Variants in INHBB observed in about 807,000 individuals in gnomAD.
The protein encoded by INHBB is inhibin subunit beta B.
Under a neutral mutation model 28.9 loss-of-function variants are expected in INHBB, and 8 were observed. That is an observed-to-expected ratio of 0.28 (90% CI 0.16 to 0.50). The LOEUF is 0.50. Ranked by LOEUF, INHBB falls within the 20% of genes least tolerant of loss-of-function variation. INHBB has a pLI of 0.98. For missense variants in INHBB, 499 were observed against 597.8 expected (o/e 0.83, Z 1.72); for synonymous variants, 293 against 262.7 (o/e 1.12, Z -1.12).
intron 1 of INHBB, among the ~76,000 whole-genome samples, chr2:120,346,842 G>A (rs1406808384): frequency 6.6e-6 from 1 of 152,190 alleles, no homozygotes; most frequent in Non-Finnish European, 1.5e-5. Flanking sequence ...CTTGCCTGCT[G>A]CCTCAACCCC....
chr2:120,346,332 G>T lies in INHBB; in HGVS notation c.144G>T (p.Pro48=). The T allele has an allele frequency of 7.4e-7, 1 of 1,355,494 alleles. No individual in the cohort carries two copies. Among genetic ancestry groups the T allele is most frequent in the East Asian group, 3.3e-5 (1 of 30,164 alleles). 84.0% of individuals were successfully genotyped at this position (1,355,494 alleles called of 1,614,324 possible). A position where few individuals can be genotyped will look rare whatever the true frequency, so the allele number is the denominator to read the frequency against. The change falls in exon 1 of 2, where the codon CCG becomes CCT. Residue 48 remains proline (P), a synonymous_variant. Coordinates refer to ENST00000295228, the MANE Select transcript of INHBB (RefSeq NM_002193.4). ...CGCCACCCCCGCCACCCGGATCCCC[G>T]GGTGGCTCGCAGGACACCTGTACGT... The part of the protein sequence containing the change: ...APPPPPPPGS[P]GGSQDTCTSC...
intron 1 of INHBB, among the ~76,000 whole-genome samples, chr2:120,347,395 GC>G (rs11354431): frequency 0.19 from 24,478 of 130,190 alleles, 2,699 homozygotes; most frequent in African/African-American, 0.34. Flanking sequence ...TCTGGAATCC[GC>G]CCCCCCCCCC....
Position 120,349,715 on chromosome 2 carries a change from G to A in INHBB, c.1065G>A (p.Val355=), listed in dbSNP as rs1455497372. The A allele has an allele frequency of 1.9e-6, 3 of 1,613,814 alleles. No homozygotes were observed. Among genetic ancestry groups the A allele is most frequent in the Admixed American group, 1.7e-5 (1 of 60,030 alleles). Residue 355 remains valine, a synonymous_variant, in exon 2 of 2, where the codon GTG becomes GTA. Transcript: ENST00000295228. This position sits in a 1 kb window ranked among gnomAD's most constrained non-coding sequence, Gnocchi z 5.6. The stretch of plus-strand genomic sequence containing the variant: ...CCTCCTCCTTCCACACGGCTGTGGT[G>A]AACCAGTACCGCATGCGGGGTCTGA... ...GSASSFHTAV[V]NQYRMRGLNP...
Position 120,350,165 on chromosome 2 carries a change from A to C in INHBB, c.*291A>C. The C allele has an allele frequency of 1.0e-5, 4 of 398,648 alleles. No homozygotes were observed. The highest frequency in any genetic ancestry group is 4.5e-5 in the East Asian group (1 of 22,290). The allele number at this position is 398,648 out of a possible 1,614,324, so 24.7% of individuals were successfully genotyped here. ...ACAGCAGCCTCCAGGATACCAGCAA[A>C]TGGATGCGGTGACAAATGGCAGCTT... On this transcript the variant is annotated 3_prime_UTR_variant, in exon 2 of 2. Transcript: ENST00000295228.
At chr2:120,347,960 G>A (rs892005555) in intron 1 of INHBB, among the ~76,000 whole-genome samples, 19 of 152,180 alleles carry the variant, frequency 1.2e-4, no homozygotes, top group African/African-American at 4.3e-4. Context: ...TTTTGGTCCC[G>A]GTGGCACAAA....
At chr2:120,347,298 G>C (rs1337931457) in intron 1 of INHBB, among the ~76,000 whole-genome samples, 1 of 152,086 alleles carries the variant, frequency 6.6e-6, no homozygotes, top group Non-Finnish European at 1.5e-5. Context: ...TTCGGGGACA[G>C]CCCCGTGCCT....
rs986438315 is a variant in INHBB, at chr2:120,346,604, G to C, written c.416G>C (p.Arg139Pro). ...AGCCCGGGCGCCGACGGCCAGGAGC[G>C]CGTTTCCGAAATCATCAGCTTCGCC... ...HASPGADGQE[R>P]VSEIISFAET... The change falls in exon 1 of 2, where the codon CGC becomes CCC. Residue 139 changes from arginine to proline, a missense_variant. Arg to Pro is a moderately radical substitution (Grantham distance 103). Transcript: ENST00000295228. The C allele has an allele frequency of 2.8e-6, 4 of 1,452,688 alleles. No individual in the cohort carries two copies. Among genetic ancestry groups the C allele is most frequent in the East Asian group, 5.5e-5 (2 of 36,574 alleles). 90.0% of individuals were successfully genotyped at this position (1,452,688 alleles called of 1,614,324 possible). A position where few individuals can be genotyped will look rare whatever the true frequency, so the allele number is the denominator to read the frequency against.
At chr2:120,348,552 T>C (rs1691201999) in intron 1 of INHBB, among the ~76,000 whole-genome samples, 1 of 151,796 alleles carries the variant, frequency 6.6e-6, no homozygotes, top group African/African-American at 2.4e-5. Context: ...GCCTGCTTGT[T>C]TGCAGTGGAG....
chr2:120,348,222 GA>G (rs71396084), intron 1 of INHBB, among the ~76,000 whole-genome samples: 73 of 77,842 alleles, frequency 9.4e-4, no homozygotes, highest in South Asian at 9.2e-3. Flanking sequence ...TGTTCTTCCT[GA>G]AAAAAAAAAA....
rs1254201274 is a variant in INHBB at position 120,351,547 on chromosome 2, G to A, written c.*1673G>A. The A allele has an allele frequency of 1.3e-5, 2 of 152,156 alleles. No individual in the cohort carries two copies. Among genetic ancestry groups the A allele is most frequent in the African/African-American group, 4.8e-5 (2 of 41,432 alleles). The allele number at this position is 152,156 out of a possible 1,614,324, so 9.4% of individuals were successfully genotyped here. ...GCAGTCCCTTGAGTGGCCTGCCAAC[G>A]TTTCAGGGTATGAATGGATTTTGTT... On this transcript the variant is annotated 3_prime_UTR_variant, in exon 2 of 2. Transcript: ENST00000295228.
chr2:120,346,471 A>G lies in INHBB; in HGVS notation c.283A>G (p.Thr95Ala). Residue 95 changes from threonine to alanine, a missense_variant, in exon 1 of 2, where the codon ACG becomes GCG. Around this residue, in one of 2 missense-constraint regions of INHBB, gnomAD observed 385 missense variants for 415.2 expected, o/e 0.93. Transcript: ENST00000295228. ...RLQMRGRPNI[T>A]HAVPKAAMVT... is the part of the protein sequence containing the mutation. ...GCAGATGCGGGGCCGGCCCAACATC[A>G]CGCACGCCGTGCCTAAGGCCGCCAT... The G allele has an allele frequency of 6.4e-7, 1 of 1,557,572 alleles. No homozygotes were observed. The highest frequency in any genetic ancestry group is 8.6e-7 in the Non-Finnish European group (1 of 1,160,508).
Position 120,349,095 on chromosome 2 carries a change from G to C in INHBB, c.449-4G>C. 6.3e-7 allele frequency: 1 copy of C among 1,591,158 alleles called. No homozygotes were observed. Among genetic ancestry groups the C allele is most frequent in the Non-Finnish European group, 8.6e-7 (1 of 1,165,892 alleles). On this transcript the variant is annotated splice_region_variant and splice_polypyrimidine_tract_variant and intron_variant, in intron 1 of 1. Coordinates refer to ENST00000295228, the MANE Select transcript of INHBB (RefSeq NM_002193.4). The surrounding 1 kb of genome is among the most constrained non-coding windows in gnomAD (Gnocchi z 5.6). ...ACTTGGCTCGCCCTTCCCCTTTTCC[G>C]CAGATGGCCTCGCCTCCTCCCGGGT...
chr2:120,346,387 C>T lies in INHBB; in HGVS notation c.199C>T (p.Leu67Phe). 1 of 1,527,528 alleles carries T rather than the reference C, an allele frequency of 6.5e-7. No homozygotes were observed. The highest frequency in any genetic ancestry group is 8.7e-7 in the Non-Finnish European group (1 of 1,144,046). The allele number at this position is 1,527,528 out of a possible 1,614,324, so 94.6% of individuals were successfully genotyped here. A position where few individuals can be genotyped will look rare whatever the true frequency, so the allele number is the denominator to read the frequency against. ...CGGCGGCTTCCGGCGGCCAGAGGAG[C>T]TCGGCCGAGTGGACGGCGACTTCCT... ...SCGGFRRPEELGRVDGDFLEA... is the reference protein window; with the variant it reads ...SCGGFRRPEEFGRVDGDFLEA... Residue 67 changes from leucine (L) to phenylalanine (F), a missense_variant, in exon 1 of 2, where the codon CTC becomes TTC. Leu to Phe is a conservative substitution (Grantham distance 22). This residue lies in a region of INHBB where 385 missense variants were observed against 415.2 expected (regional missense o/e 0.93). Transcript: ENST00000295228.
chr2:120,346,299 C>A lies in INHBB; in HGVS notation c.111C>A (p.Ala37=). ...WGSPTPPPTP[A]APPPPPPPGS... is the part of the protein sequence containing the mutation. ...CACCCACGCCCCCGCCGACGCCTGC[C>A]GCGCCGCCGCCACCCCCGCCACCCG... Residue 37 remains alanine, a synonymous_variant, in exon 1 of 2, where the codon GCC becomes GCA. Transcript: ENST00000295228. 2 of 1,378,752 alleles carry A rather than the reference C, an allele frequency of 1.5e-6. No individual in the cohort carries two copies. Among genetic ancestry groups the A allele is most frequent in the South Asian group, 1.7e-5 (1 of 59,530 alleles). 85.4% of individuals were successfully genotyped at this position (1,378,752 alleles called of 1,614,324 possible).
rs989509604 is a variant in INHBB, at chr2:120,350,010, G to A, written c.*136G>A. On this transcript the variant is annotated 3_prime_UTR_variant, in exon 2 of 2. Transcript: ENST00000295228. ...TGGGCTGTGGAGATAGTGCCAGGGT[G>A]CGGCCTGAGATATTTTTCTACAGCT... is the stretch of plus-strand genomic sequence containing the variant. 2 of 850,478 alleles carry A rather than the reference G, an allele frequency of 2.4e-6. No homozygotes were observed. The highest frequency in any genetic ancestry group is 1.7e-5 in the African/African-American group (1 of 58,326). The allele number at this position is 850,478 out of a possible 1,614,324, so 52.7% of individuals were successfully genotyped here. A position where few individuals can be genotyped will look rare whatever the true frequency, so the allele number is the denominator to read the frequency against.
chr2:120,346,465 A>C lies in INHBB; in HGVS notation c.277A>C (p.Asn93His). The C allele has an allele frequency of 3.8e-6, 6 of 1,558,812 alleles. No individual in the cohort carries two copies. The highest frequency in any genetic ancestry group is 5.2e-6 in the Non-Finnish European group (6 of 1,161,034). Reference sequence around the variant, plus strand: ...CCGCCTGCAGATGCGGGGCCGGCCCAACATCACGCACGCCGTGCCTAAGGC... The same window carrying C: ...CCGCCTGCAGATGCGGGGCCGGCCCCACATCACGCACGCCGTGCCTAAGGC... ...LSRLQMRGRP[N>H]ITHAVPKAAM... Residue 93 changes from asparagine (N) to histidine (H), a missense_variant, in exon 1 of 2, where the codon AAC (asparagine) becomes CAC (histidine). Asn to His is a moderately conservative substitution (Grantham distance 68, BLOSUM62 1). This residue lies in a region of INHBB where 385 missense variants were observed against 415.2 expected (regional missense o/e 0.93). Transcript: ENST00000295228.
In INHBB at chr2:120,349,462, C is replaced by T. The variant is rs1001095566; in HGVS notation, c.812C>T (p.Ser271Leu). The change falls in exon 2 of 2, where the codon TCG (serine) becomes TTG (leucine). Residue 271 changes from serine to leucine, a missense_variant. Transcript: ENST00000295228. This position sits in a 1 kb window ranked among gnomAD's most constrained non-coding sequence, Gnocchi z 5.6. Reference sequence around the variant, plus strand: ...GTGTTCGTGGACCCAGGCGAAGAGTCGCACCGGCCCTTTGTGGTGGTGCAG... The same window carrying T: ...GTGTTCGTGGACCCAGGCGAAGAGTTGCACCGGCCCTTTGTGGTGGTGCAG... ...VPVFVDPGEE[S>L]HRPFVVVQAR... The T allele has an allele frequency of 6.8e-6, 11 of 1,613,716 alleles. No individual in the cohort carries two copies. The East Asian group carries it at 1.6e-4, about 23-fold the overall frequency.
rs202216864 is a variant in INHBB, at chr2:120,349,370, G to T, written c.720G>T (p.Glu240Asp). The T allele has an allele frequency of 1.2e-6, 2 of 1,614,006 alleles. No homozygotes were observed. Among genetic ancestry groups the T allele is most frequent in the South Asian group, 1.1e-5 (1 of 91,078 alleles). ...PLTEAIQALF[E>D]RGERRLNLDV... ...CGGAGGCCATCCAGGCCTTGTTTGAGCGGGGCGAGCGGCGACTCAACCTAG... is the reference window on the plus strand; with the variant it reads ...CGGAGGCCATCCAGGCCTTGTTTGATCGGGGCGAGCGGCGACTCAACCTAG... Residue 240 changes from glutamate to aspartate, a missense_variant, in exon 2 of 2, where the codon GAG (glutamate) becomes GAT (aspartate). Coordinates refer to ENST00000295228, the MANE Select transcript of INHBB (RefSeq NM_002193.4). The surrounding 1 kb of genome is among the most constrained non-coding windows in gnomAD (Gnocchi z 5.6).
In INHBB at chr2:120,346,574, A is replaced by G. The variant is rs1691157566; in HGVS notation, c.386A>G (p.His129Arg). The change falls in exon 1 of 2, where the codon CAC becomes CGC. Residue 129 changes from histidine to arginine, a missense_variant. By Grantham distance (29) the His-to-Arg change is conservative. This residue lies in a region of INHBB where 385 missense variants were observed against 415.2 expected (regional missense o/e 0.93). Coordinates refer to ENST00000295228, the MANE Select transcript of INHBB (RefSeq NM_002193.4). ...GRVEIPHLDGHASPGADGQER... is the reference protein window; with the variant it reads ...GRVEIPHLDGRASPGADGQER... ...GTGGAGATCCCGCACCTCGACGGCC[A>G]CGCCAGCCCGGGCGCCGACGGCCAG... The G allele has an allele frequency of 1.4e-6, 2 of 1,472,044 alleles. No individual in the cohort carries two copies. The highest frequency in any genetic ancestry group is 1.5e-5 in the African/African-American group (1 of 68,118). 91.2% of individuals were successfully genotyped at this position (1,472,044 alleles called of 1,614,324 possible). A position where few individuals can be genotyped will look rare whatever the true frequency, so the allele number is the denominator to read the frequency against.
Sources: gnomAD v4.1 joint callset for allele counts (sites outside exome capture counted in the v4.1 genomes callset) on GRCh38, gnomAD v4.1.1 for gene constraint, gnomAD v4.1.1 regional missense constraint, Gnocchi (gnomAD v3.1) non-coding constraint, MANE v1.5 for transcripts, NCBI Gene and HGNC (gene_info 2026-07-23, HGNC 2026-07-21) for gene names.